The following SEC24B variants were observed in gnomAD, a reference collection of about 807,000 sequenced individuals.
SEC24B encodes protein transport protein Sec24B.
SEC24B carries 45 observed loss-of-function variants against 142.8 expected under a neutral mutation model. The observed-to-expected ratio is 0.32, with a 90% CI of 0.25 to 0.40. The LOEUF is 0.40. Among genes scored for constraint, SEC24B ranks in the 10% least tolerant of loss-of-function variants. SEC24B has a pLI of 1.00. For synonymous variants in SEC24B, 574 were observed against 568.2 expected (o/e 1.01, Z -0.15); for missense variants, 1,409 against 1,526.8 (o/e 0.92, Z 1.29).
intron 2 of SEC24B, among the ~76,000 whole-genome samples, chr4:109,463,976 A>G (rs1428970041): frequency 2.0e-5 from 3 of 152,044 alleles, no homozygotes; most frequent in Non-Finnish European, 4.4e-5. Context: ...GTTGGCCACT[A>G]TTTTCTCTTT....
chr4:109,444,018 T>G (rs1033404873), intron 1 of SEC24B, among the ~76,000 whole-genome samples: 1 of 151,098 alleles, frequency 6.6e-6, no homozygotes, highest in African/African-American at 2.4e-5. Context: ...AGGTCAGGAG[T>G]TCGAGACCAG....
chr4:109,539,248 C>T (rs1725921222), intron 23 of SEC24B, among the ~76,000 whole-genome samples: 1 of 151,924 alleles, frequency 6.6e-6, no homozygotes, highest in Non-Finnish European at 1.5e-5. Flanking sequence ...AGGCGTGAGC[C>T]ACCACGCCCG....
intron 1 of SEC24B, among the ~76,000 whole-genome samples, chr4:109,445,967 C>CTTTTTTCTTTTTTTT: frequency 7.6e-6 from 1 of 130,942 alleles, no homozygotes; most frequent in Non-Finnish European, 1.7e-5. Flanking sequence ...TTCTAAGATG[C>CTTTTTTCTTTTTTTT]TTTTTTTTTT....
At chr4:109,464,580 T>C (rs1037738447) in intron 2 of SEC24B, among the ~76,000 whole-genome samples, 1 of 152,186 alleles carries the variant, frequency 6.6e-6, no homozygotes, top group Admixed American at 6.5e-5. Context: ...TTAATTCAAT[T>C]TGTGACTTGA....
intron 23 of SEC24B, among the ~76,000 whole-genome samples, chr4:109,538,903 G>C (rs963251983): frequency 1.3e-5 from 2 of 152,008 alleles, no homozygotes; most frequent in African/African-American, 4.8e-5. Context: ...TCCCAACTCA[G>C]ACTCCCGAGT....
At chr4:109,449,446 A>G (rs551030757) in intron 1 of SEC24B, 12 of 429,230 alleles carry the variant, frequency 2.8e-5, no homozygotes, top group African/African-American at 2.6e-4. Flanking sequence ...TGCCCAAGCT[A>G]GTCTTGAACT....
At chr4:109,468,320 C>G (rs552680348) in intron 2 of SEC24B, among the ~76,000 whole-genome samples, 1 of 152,112 alleles carries the variant, frequency 6.6e-6, no homozygotes, top group Admixed American at 6.5e-5. Flanking sequence ...AACTTTGTGC[C>G]CACTACTTGT....
chr4:109,519,240 A>G lies in SEC24B; in HGVS notation c.2127-1126A>G, dbSNP rs187220849. On this transcript the variant is annotated intron_variant, in intron 11 of 23. Coordinates refer to ENST00000265175, the MANE Select transcript of SEC24B (RefSeq NM_006323.5). ...TGTGCTCCAGAAATCCATTTACTCTATTAGCCTTGTATGGAAAAGTATGAT... is the reference window on the plus strand; with the variant it reads ...TGTGCTCCAGAAATCCATTTACTCTGTTAGCCTTGTATGGAAAAGTATGAT... Among the ~76,000 whole-genome samples, 460 of 152,288 alleles carry G rather than the reference A, an allele frequency of 3.0e-3. 2 individuals are homozygous for G. Among genetic ancestry groups the G allele is most frequent in the African/African-American group, 0.011 (444 of 41,562 alleles).
chr4:109,478,622 G>C (rs1163362155), intron 3 of SEC24B, among the ~76,000 whole-genome samples: 2 of 152,122 alleles, frequency 1.3e-5, no homozygotes, highest in African/African-American at 4.8e-5. Flanking sequence ...ATAGAACCTG[G>C]AGTTGAACCC....
intron 8 of SEC24B, among the ~76,000 whole-genome samples, 195 bp from the exon 9 acceptor site, chr4:109,511,762 T>C (rs1350121679): frequency 6.6e-6 from 1 of 152,240 alleles, no homozygotes; most frequent in East Asian, 1.9e-4. Flanking sequence ...AGTGTTATGA[T>C]TTGTGACAAG....
At chr4:109,440,648 C>T (rs1728852653) in intron 1 of SEC24B, among the ~76,000 whole-genome samples, 1 of 152,166 alleles carries the variant, frequency 6.6e-6, no homozygotes, top group Non-Finnish European at 1.5e-5. Flanking sequence ...TAATAAGGTA[C>T]TATTTTTAAA....
intron 2 of SEC24B, among the ~76,000 whole-genome samples, chr4:109,472,215 T>C (rs1370329884): frequency 6.6e-6 from 1 of 152,334 alleles, no homozygotes; most frequent in East Asian, 1.9e-4. Context: ...GGTATATATA[T>C]GTAGATTTAT....
At chr4:109,500,033 T>C (rs1487059919) in intron 6 of SEC24B, among the ~76,000 whole-genome samples, 2 of 152,184 alleles carry the variant, frequency 1.3e-5, no homozygotes, top group African/African-American at 4.8e-5. Flanking sequence ...TTGATCCTGA[T>C]CCTGTGTAGG....
Position 109,506,368 on chromosome 4 carries a change from G to A in SEC24B, c.1529G>A (p.Gly510Glu), listed in dbSNP as rs1736686979. The change falls in exon 7 of 24, where the codon GGA becomes GAA. Residue 510 changes from glycine to glutamate, a missense_variant. Transcript: ENST00000265175. ...AACCAGCTATCCTCCAGTATAGGAG[G>A]ATTGAGTCTTCAGAGTTCTCCACAA... Reference protein sequence around the residue: ...GVNQLSSSIGGLSLQSSPQPE... With the variant: ...GVNQLSSSIGELSLQSSPQPE... The A allele has an allele frequency of 1.2e-6, 2 of 1,607,162 alleles. No homozygotes were observed. Among genetic ancestry groups the A allele is most frequent in the South Asian group, 1.1e-5 (1 of 89,840 alleles).
At position 109,453,118 on chromosome 4, in the gene SEC24B, A is replaced by C. The variant is rs61502300; in HGVS notation, c.134-9783A>C. Among the ~76,000 whole-genome samples, 833 of 152,242 alleles carry C rather than the reference A, an allele frequency of 5.5e-3. 6 individuals are homozygous for C. Among genetic ancestry groups the C allele is most frequent in the African/African-American group, 0.02 (811 of 41,532 alleles). Reference sequence around the variant, plus strand: ...TTTTTATTAGCAATTTTCAAAGGGGAGGGAGTGTACTAATAGGATGTGGGT... The same window carrying C: ...TTTTTATTAGCAATTTTCAAAGGGGCGGGAGTGTACTAATAGGATGTGGGT... On this transcript the variant is annotated intron_variant, in intron 1 of 23. Transcript: ENST00000265175.
intron 22 of SEC24B, among the ~76,000 whole-genome samples, chr4:109,536,560 C>T (rs1457385014): frequency 6.6e-6 from 1 of 152,100 alleles, no homozygotes; most frequent in African/African-American, 2.4e-5. Flanking sequence ...GATGGAGTCT[C>T]ACTCTGTCAC....
At chr4:109,461,079 C>G (rs186293928) in intron 1 of SEC24B, among the ~76,000 whole-genome samples, 17 of 152,254 alleles carry the variant, frequency 1.1e-4, no homozygotes, top group Admixed American at 1.1e-3. Flanking sequence ...TAATTTTCTA[C>G]TGTGTGAGAA....
chr4:109,468,250 CACAT>C (rs1289709479), intron 2 of SEC24B, among the ~76,000 whole-genome samples: 1 of 152,202 alleles, frequency 6.6e-6, no homozygotes, highest in African/African-American at 2.4e-5. Context: ...TTTACTCCCT[CACAT>C]ACTTATTCCT....
chr4:109,454,977 T>C (rs1730511418), intron 1 of SEC24B, among the ~76,000 whole-genome samples: 1 of 152,234 alleles, frequency 6.6e-6, no homozygotes, highest in Non-Finnish European at 1.5e-5. Flanking sequence ...TATAGCCTTT[T>C]TATCCAATTA....
Sources: gnomAD v4.1 joint callset for allele counts (sites outside exome capture counted in the v4.1 genomes callset) on GRCh38, gnomAD v4.1.1 for gene constraint, MANE v1.5 for transcripts, NCBI Gene and HGNC (gene_info 2026-07-23, HGNC 2026-07-21) for gene names.